The following ERBB4 variants were observed in gnomAD, a reference collection of about 807,000 sequenced individuals.
ERBB4 encodes erb-b2 receptor tyrosine kinase 4.
In ERBB4, 42 loss-of-function variants were observed where a neutral mutation model predicts 158.0. The observed-to-expected ratio is 0.27, with a 90% CI of 0.21 to 0.34. ERBB4 has a LOEUF of 0.34. Among genes scored for constraint, ERBB4 ranks in the 10% least tolerant of loss-of-function variants. The pLI is 1.00. For synonymous variants in ERBB4, 583 were observed against 558.7 expected (o/e 1.04, Z -0.61); for missense variants, 1,333 against 1,624.1 (o/e 0.82, Z 3.08).
chr2:211,449,522 C>G lies in ERBB4; in HGVS notation c.2488-18422G>C, dbSNP rs139644842. Among the ~76,000 whole-genome samples the G allele has an allele frequency of 6.6e-3, 1,001 of 152,184 alleles. 7 individuals carry two copies. Among genetic ancestry groups the G allele is most frequent in the Non-Finnish European group, 0.01 (697 of 67,984 alleles). ...TAGTAGCTTATATTCACTTTTAAAA[C>G]TCAATAGACATAGTTCATATGCAAT... On this transcript the variant is annotated intron_variant, in intron 20 of 27. Transcript: ENST00000342788.
chr2:211,713,747 CATT>C (rs2073795941), intron 7 of ERBB4, 99 bp from the exon 8 acceptor site: 1 of 728,440 alleles, frequency 1.4e-6, no homozygotes, highest in South Asian at 1.5e-5. Context: ...TGATTAGCAT[CATT>C]GATAGTGTTT....
At position 211,810,741 on chromosome 2, in the gene ERBB4, C is replaced by T. The variant is rs35929028; in HGVS notation, c.422-22582G>A. Among the ~76,000 whole-genome samples, 1,055 of 142,938 alleles carry T rather than the reference C, an allele frequency of 7.4e-3. 9 individuals are homozygous for T. The highest frequency in any genetic ancestry group is 0.026 in the African/African-American group (1,001 of 38,926). 93.8% of individuals were successfully genotyped at this position (142,938 alleles called of 152,430 possible). On this transcript the variant is annotated intron_variant, in intron 3 of 27. Transcript: ENST00000342788. ...ACTGCGGACTGCAGTGGCGCAATCT[C>T]GGCTCACTGCAAGCTCCGCTTCCCG...
intron 4 of ERBB4, among the ~76,000 whole-genome samples, chr2:211,754,780 A>G (rs1390000305): frequency 6.6e-6 from 1 of 151,650 alleles, no homozygotes; most frequent in Non-Finnish European, 1.5e-5. Flanking sequence ...GGCTCACTGC[A>G]ACCTCCACCT....
intron 10 of ERBB4, 35 bp downstream of exon 10, chr2:211,705,283 G>A: frequency 7.1e-7 from 1 of 1,400,682 alleles, no homozygotes; most frequent in South Asian, 1.2e-5. Context: ...AAATTATATT[G>A]TTCATAGCGC....
At chr2:211,439,127 G>A (rs943139619) in intron 20 of ERBB4, among the ~76,000 whole-genome samples, 10 of 152,026 alleles carry the variant, frequency 6.6e-5, no homozygotes, top group South Asian at 6.2e-4. Flanking sequence ...TTGATGATTC[G>A]TCTCAGCTTC....
chr2:212,036,641 T>C (rs1186205581), intron 2 of ERBB4, among the ~76,000 whole-genome samples: 1 of 152,046 alleles, frequency 6.6e-6, no homozygotes, highest in Admixed American at 6.6e-5. Flanking sequence ...ATTTTTTGTA[T>C]TTTTAGTAGA....
At chr2:212,204,116 T>G (rs981489139) in intron 1 of ERBB4, among the ~76,000 whole-genome samples, 34 of 152,210 alleles carry the variant, frequency 2.2e-4, no homozygotes, top group African/African-American at 8.2e-4. Flanking sequence ...TCAGATCTAT[T>G]TTTTCTCTAC....
At chr2:212,118,746 G>A (rs1228193954) in intron 2 of ERBB4, among the ~76,000 whole-genome samples, 4 of 151,726 alleles carry the variant, frequency 2.6e-5, no homozygotes, top group African/African-American at 9.7e-5. Flanking sequence ...TTTTTAGATG[G>A]CATTATTTCT....
intron 3 of ERBB4, among the ~76,000 whole-genome samples, chr2:211,819,651 A>T (rs768205962): frequency 6.6e-6 from 1 of 152,088 alleles, no homozygotes; most frequent in Middle Eastern, 3.4e-3. Flanking sequence ...AGGTCTCAAA[A>T]TTTTTTAGGT....
chr2:212,057,957 A>G (rs997443458), intron 2 of ERBB4, among the ~76,000 whole-genome samples: 3 of 152,224 alleles, frequency 2.0e-5, no homozygotes, highest in Non-Finnish European at 4.4e-5. Flanking sequence ...AGATAGAGAC[A>G]CAAAAAACCC....
chr2:211,513,179 T>C (rs2065924888), intron 20 of ERBB4, among the ~76,000 whole-genome samples: 1 of 151,826 alleles, frequency 6.6e-6, no homozygotes, highest in African/African-American at 2.4e-5. Context: ...ACCATGCTGT[T>C]TGCAATGGTA....
intron 1 of ERBB4, among the ~76,000 whole-genome samples, chr2:212,237,710 G>T (rs1034825444): frequency 8.5e-5 from 13 of 152,304 alleles, no homozygotes; most frequent in African/African-American, 2.9e-4. Flanking sequence ...TCTGTCCCAG[G>T]GATGTGGGAG....
At chr2:212,485,856 T>C (rs1340909430) in intron 1 of ERBB4, among the ~76,000 whole-genome samples, 1 of 152,100 alleles carries the variant, frequency 6.6e-6, no homozygotes, top group Admixed American at 6.6e-5. Flanking sequence ...GGTACCTCTC[T>C]GGGGCCTCTT....
At chr2:212,261,860 T>C (rs866263764) in intron 1 of ERBB4, among the ~76,000 whole-genome samples, 1 of 152,120 alleles carries the variant, frequency 6.6e-6, no homozygotes, top group South Asian at 2.1e-4. Context: ...ATGCACTCTG[T>C]TTTTATGGGT....
chr2:211,497,065 G>T (rs879814815), intron 20 of ERBB4, among the ~76,000 whole-genome samples: 4 of 151,986 alleles, frequency 2.6e-5, no homozygotes, highest in Admixed American at 2.6e-4. Context: ...GGTATAGTAG[G>T]CACTTAATAA....
At chr2:211,577,418 G>A (rs558757338) in intron 19 of ERBB4, among the ~76,000 whole-genome samples, 5 of 151,832 alleles carry the variant, frequency 3.3e-5, no homozygotes, top group South Asian at 2.1e-4. Flanking sequence ...CTTGTCTTGC[G>A]GTGGATAAAA....
intron 10 of ERBB4, among the ~76,000 whole-genome samples, chr2:211,704,776 G>A (rs970147733): frequency 6.6e-6 from 1 of 152,152 alleles, no homozygotes; most frequent in African/African-American, 2.4e-5. Flanking sequence ...ACACTTGCAA[G>A]AGTCGTAATG....
intron 2 of ERBB4, among the ~76,000 whole-genome samples, chr2:212,118,464 A>C (rs1002081788): frequency 2.6e-5 from 4 of 152,162 alleles, no homozygotes; most frequent in Admixed American, 6.5e-5. Flanking sequence ...TATTCATGAG[A>C]AAGAGAATGA....
intron 16 of ERBB4, among the ~76,000 whole-genome samples, chr2:211,636,896 T>G (rs2070383305): frequency 6.6e-6 from 1 of 152,078 alleles, no homozygotes; most frequent in East Asian, 1.9e-4. Context: ...ATAAAACCCA[T>G]GAGTATGTGT....
Sources: gnomAD v4.1 joint callset for allele counts (sites outside exome capture counted in the v4.1 genomes callset) on GRCh38, gnomAD v4.1.1 for gene constraint, MANE v1.5 for transcripts, NCBI Gene and HGNC (gene_info 2026-07-23, HGNC 2026-07-21) for gene names.